The following TTC34 variants were observed in gnomAD, a reference collection of about 807,000 sequenced individuals.
TTC34 encodes tetratricopeptide repeat domain 34, also known as tetratricopeptide repeat protein 34.
In TTC34, 44 loss-of-function variants were observed where a neutral mutation model predicts 40.7. The ratio of observed to expected loss-of-function variants is 1.08; its 90% CI spans 0.85 to 1.39. TTC34 has a LOEUF of 1.39. TTC34 is among the 40% of genes most tolerant of loss of function. The pLI, the probability that TTC34 is intolerant of heterozygous loss-of-function variation, is 0.00. For synonymous variants in TTC34, 422 were observed against 398.6 expected, an observed-to-expected ratio of 1.06 and a Z score of -0.70; for missense variants, 884 against 838.0, an observed-to-expected ratio of 1.05 and a Z score of -0.68.
intron 6 of TTC34, among the ~76,000 whole-genome samples, chr1:2,699,461 C>T (rs1390612873): frequency 1.5e-4 from 11 of 75,240 alleles, no homozygotes; most frequent in African/African-American, 1.9e-4. Context: ...CACCCACAGG[C>T]GAGCATCTGA....
intron 6 of TTC34, among the ~76,000 whole-genome samples, chr1:2,749,085 C>CAG: frequency 9.2e-6 from 1 of 109,158 alleles, no homozygotes; most frequent in African/African-American, 3.3e-5. Flanking sequence ...CCCACAACCC[C>CAG]AGGCGAGCAT....
intron 6 of TTC34, among the ~76,000 whole-genome samples, chr1:2,654,889 C>A (rs1270237776): frequency 1.3e-5 from 2 of 151,814 alleles, no homozygotes; most frequent in African/African-American, 4.8e-5. Context: ...GAGCAGCACC[C>A]ACACTCCAGG....
chr1:2,685,243 G>T (rs1455445919), intron 6 of TTC34, among the ~76,000 whole-genome samples: 1 of 58,296 alleles, frequency 1.7e-5, no homozygotes, highest in Non-Finnish European at 3.4e-5. Flanking sequence ...CCACACCCCA[G>T]GTGAGCATCT....
rs558567465 is a variant in TTC34 at position 2,687,090 on chromosome 1, G to A, written c.2227-41527C>T. Among the ~76,000 whole-genome samples the A allele has an allele frequency of 1.4e-3, 198 of 144,884 alleles. 12 individuals are homozygous for A. Among genetic ancestry groups the A allele is most frequent in the African/African-American group, 5.3e-3 (189 of 35,590 alleles). On this transcript the variant is annotated intron_variant, in intron 6 of 8. Coordinates refer to ENST00000401095, the Ensembl canonical transcript of TTC34. Reference sequence around the variant, plus strand: ...CCTGGAGCAGGACCCACACCCCCAGGTGAACATCCGACATCGTGGAGTAGC... The same window carrying A: ...CCTGGAGCAGGACCCACACCCCCAGATGAACATCCGACATCGTGGAGTAGC...
intron 6 of TTC34, among the ~76,000 whole-genome samples, chr1:2,648,544 T>C (rs1198039759): frequency 6.6e-6 from 1 of 152,014 alleles, no homozygotes; most frequent in Non-Finnish European, 1.5e-5. Flanking sequence ...ATGCATTATA[T>C]CCAGTTTATA....
chr1:2,688,415 G>A (rs1433391951), intron 6 of TTC34, among the ~76,000 whole-genome samples: 1 of 152,070 alleles, frequency 6.6e-6, no homozygotes. Flanking sequence ...CACACCCCCA[G>A]GTGAGCATCC....
intron 6 of TTC34, among the ~76,000 whole-genome samples, chr1:2,673,375 G>A (rs4648716): frequency 0.056 from 1,869 of 33,102 alleles, 2 homozygotes; most frequent in South Asian, 0.077. Flanking sequence ...AGCATCTGAG[G>A]GCCTGGGTCG....
intron 6 of TTC34, among the ~76,000 whole-genome samples, chr1:2,651,944 C>A (rs1269142363): frequency 6.6e-6 from 1 of 152,038 alleles, no homozygotes; most frequent in Non-Finnish European, 1.5e-5. Flanking sequence ...CATCTGACAG[C>A]CTGAAGCAGC....
chr1:2,685,091 A>G (rs1283268742), intron 6 of TTC34, among the ~76,000 whole-genome samples: 3 of 139,894 alleles, frequency 2.1e-5, no homozygotes, highest in Non-Finnish European at 3.0e-5. Flanking sequence ...CCAGGTGTGC[A>G]CGTGACAGCT....
At chr1:2,787,334 C>T (rs1212696093) in intron 4 of TTC34, 147 bp downstream of exon 4, 7 of 621,458 alleles carry the variant, frequency 1.1e-5, no homozygotes, top group Non-Finnish European at 1.8e-5. Context: ...TGAGGGCCTG[C>T]AGCAGGTGCA....
intron 8 of TTC34, 78 bp downstream of exon 8, chr1:2,644,186 C>A: frequency 7.2e-7 from 1 of 1,396,552 alleles, no homozygotes; most frequent in Non-Finnish European, 9.7e-7. Flanking sequence ...AAAGGCTGCC[C>A]CAGTGGTGGG....
At chr1:2,696,397 AC>A (rs1364871848) in intron 6 of TTC34, among the ~76,000 whole-genome samples, 1 of 63,492 alleles carries the variant, frequency 1.6e-5, no homozygotes, top group Non-Finnish European at 3.5e-5. Flanking sequence ...AGCACCCTAC[AC>A]CCCCAGGGGA....
At chr1:2,691,581 AT>A (rs1640619728) in intron 6 of TTC34, among the ~76,000 whole-genome samples, 1 of 124,916 alleles carries the variant, frequency 8.0e-6, no homozygotes, top group Admixed American at 8.5e-5. Context: ...CAGCACCCAC[AT>A]GCCCAGGTGA....
rs1444827393 is a variant in TTC34, at chr1:2,641,919, G to A, written c.2713-24C>T. On this transcript the variant is annotated intron_variant, in intron 8 of 8. Transcript: ENST00000401095. ...GCCTGCACAGAGGACACAGAGAGAG[G>A]CAGGGAGAGTGGGGTCAGCCCCAAA... The A allele has an allele frequency of 4.8e-6, 7 of 1,447,194 alleles. No individual in the cohort carries two copies. The Admixed American group carries it at 7.7e-5, about 16-fold the overall frequency. The allele number at this position is 1,447,194 out of a possible 1,614,324, so 89.6% of individuals were successfully genotyped here. A position where few individuals can be genotyped will look rare whatever the true frequency, so the allele number is the denominator to read the frequency against.
chr1:2,761,555 A>G (rs1641683734), intron 6 of TTC34, among the ~76,000 whole-genome samples: 1 of 69,480 alleles, frequency 1.4e-5, no homozygotes, highest in Non-Finnish European at 2.5e-5. Flanking sequence ...ACAGCCTGAA[A>G]CAGCACCCTT....
intron 6 of TTC34, among the ~76,000 whole-genome samples, chr1:2,652,447 C>T (rs1639175556): frequency 1.3e-5 from 2 of 152,080 alleles, no homozygotes; most frequent in African/African-American, 4.8e-5. Flanking sequence ...ACCCACACCC[C>T]CAGGTGAGCA....
chr1:2,749,469 G>C (rs1641246699), intron 6 of TTC34, among the ~76,000 whole-genome samples: 1 of 114,478 alleles, frequency 8.7e-6, no homozygotes, highest in Non-Finnish European at 1.8e-5. Context: ...TGACGGCCTG[G>C]AACAGCACCC....
intron 6 of TTC34, among the ~76,000 whole-genome samples, chr1:2,779,144 C>T (rs4648448): frequency 0.39 from 59,419 of 151,928 alleles, 12,254 homozygotes; most frequent in East Asian, 0.55. Context: ...ATGGATGGAT[C>T]ATGTTTGGCT....
chr1:2,797,651 G>A (rs1300051327), intron 2 of TTC34, among the ~76,000 whole-genome samples: 1 of 152,120 alleles, frequency 6.6e-6, no homozygotes, highest in Admixed American at 6.5e-5. Flanking sequence ...CCTCGTCTCA[G>A]GCACTCAGGG....
Sources: gnomAD v4.1 joint callset for allele counts (sites outside exome capture counted in the v4.1 genomes callset) on GRCh38, gnomAD v4.1.1 for gene constraint, MANE v1.5 for transcripts, NCBI Gene and HGNC (gene_info 2026-07-23, HGNC 2026-07-21) for gene names.